CNTNAP3: variants seen among roughly 807,000 people sequenced by gnomAD.
CNTNAP3 encodes the protein contactin associated protein family member 3.
In CNTNAP3, 36 loss-of-function variants were observed where a neutral mutation model predicts 92.1. The observed-to-expected ratio is 0.39, with a 90% CI of 0.30 to 0.52. The LOEUF (loss-of-function observed/expected upper bound fraction) is 0.52, where lower values mean the gene tolerates loss of function less well. Ranked by LOEUF, CNTNAP3 falls within the 20% of genes least tolerant of loss-of-function variation. The probability of loss-of-function intolerance (pLI) is 0.76; values close to 1 mark genes in which losing one functional copy is unlikely to be tolerated. For synonymous variants in CNTNAP3, 232 were observed against 422.3 expected (o/e 0.55, Z 5.53); for missense variants, 534 against 1,069.6 (o/e 0.50, Z 6.98).
Position 39,068,458 on chromosome 9 carries a change from A to C in CNTNAP3, c.*5432T>G, listed in dbSNP as rs1825560379. Among the ~76,000 whole-genome samples, 1 of 152,310 alleles carries C rather than the reference A, an allele frequency of 6.6e-6. No individual in the cohort carries two copies. On this transcript the variant is annotated 3_prime_UTR_variant, in exon 24 of 24. Transcript: ENST00000297668. ...AAATTAAATTAAATAAAAATTAAAA[A>C]ATTCATAGAGAGGTGACTAGAAAAG...
chr9:39,143,705 T>A (rs1821630944), intron 11 of CNTNAP3, among the ~76,000 whole-genome samples: 1 of 152,190 alleles, frequency 6.6e-6, no homozygotes, highest in African/African-American at 2.4e-5. Context: ...TCACAGTCAT[T>A]GTAAGAGATC....
chr9:39,120,825 A>G (rs1444324908), intron 13 of CNTNAP3, among the ~76,000 whole-genome samples: 1 of 152,214 alleles, frequency 6.6e-6, no homozygotes, highest in Admixed American at 6.5e-5. Context: ...AAAAAAATGA[A>G]AAGAGAAGAA....
intron 14 of CNTNAP3, among the ~76,000 whole-genome samples, chr9:39,111,523 C>CTT (rs139634342): frequency 0.043 from 6,481 of 152,138 alleles, 432 homozygotes; most frequent in African/African-American, 0.14. Flanking sequence ...TATCTAAAGG[C>CTT]ATCACCATTC....
intron 14 of CNTNAP3, among the ~76,000 whole-genome samples, chr9:39,114,003 TATATATACACAC>T (rs1563882202): frequency 4.4e-4 from 63 of 143,058 alleles, no homozygotes; most frequent in African/African-American, 1.8e-3. Flanking sequence ...CACACACACA[TATATATACACAC>T]ATATATATAC....
At position 39,069,041 on chromosome 9, in the gene CNTNAP3, T is replaced by C. The variant is rs1298544512; in HGVS notation, c.*4849A>G. ...ATACACATATATATATGTATGTATA[T>C]AACACACATGAATCATATCCTAAAG... On this transcript the variant is annotated 3_prime_UTR_variant, in exon 24 of 24. Transcript: ENST00000297668. 3.9e-5 allele frequency among the ~76,000 whole-genome samples: 6 copies of C among 152,272 alleles called. No homozygotes were observed. The highest frequency in any genetic ancestry group is 3.9e-4 in the Admixed American group (6 of 15,290).
chr9:39,067,534 A>G lies in CNTNAP3; in HGVS notation c.*6356T>C, dbSNP rs1825535650. Among the ~76,000 whole-genome samples, 1 of 152,306 alleles carries G rather than the reference A, an allele frequency of 6.6e-6. No homozygotes were observed. The highest frequency in any genetic ancestry group is 2.4e-5 in the African/African-American group (1 of 41,484). On this transcript the variant is annotated 3_prime_UTR_variant, in exon 24 of 24. Coordinates refer to ENST00000297668, the MANE Select transcript of CNTNAP3 (RefSeq NM_033655.5). ...TGCCCCAGCCTCCCGAGTAGCTGGG[A>G]CTTCAGGCGCCCAACACCACGCCCG...
intron 12 of CNTNAP3, among the ~76,000 whole-genome samples, chr9:39,135,087 C>A (rs2315718): frequency 7.9e-5 from 12 of 152,114 alleles, no homozygotes; most frequent in African/African-American, 2.7e-4. Context: ...ACATTATAGG[C>A]TATGCATTTG....
rs952888993 is a variant in CNTNAP3, at chr9:39,147,124, T to C, written c.1649+2682A>G. 6.9e-4 allele frequency among the ~76,000 whole-genome samples: 105 copies of C among 152,298 alleles called. 1 individual carries two copies. The highest frequency in any genetic ancestry group is 4.6e-4 in the Admixed American group (7 of 15,294). On this transcript the variant is annotated intron_variant, in intron 10 of 23. Coordinates refer to ENST00000297668, the MANE Select transcript of CNTNAP3 (RefSeq NM_033655.5). ...TGCTGCCATGTAAGACGTGTCTTGA[T>C]TCTCCTTCACCTTCTGCTATCATTG...
chr9:39,113,163 G>A (rs1820752379), intron 14 of CNTNAP3, among the ~76,000 whole-genome samples: 1 of 151,962 alleles, frequency 6.6e-6, no homozygotes, highest in Non-Finnish European at 1.5e-5. Flanking sequence ...CTCTCTGTGT[G>A]ATGACAAAAA....
intron 15 of CNTNAP3, among the ~76,000 whole-genome samples, chr9:39,108,277 C>A (rs1040555195): frequency 1.3e-5 from 2 of 152,066 alleles, no homozygotes; most frequent in Non-Finnish European, 2.9e-5. Context: ...GCCGGTCCCC[C>A]CCCTCTCTGG....
At chr9:39,078,111 G>A (rs1474043821) in intron 23 of CNTNAP3, among the ~76,000 whole-genome samples, 2 of 152,288 alleles carry the variant, frequency 1.3e-5, no homozygotes, top group Non-Finnish European at 2.9e-5. Flanking sequence ...GGAGGCTGAG[G>A]CAGGAGAATC....
At position 39,133,039 on chromosome 9, in the gene CNTNAP3, G is replaced by A. The variant is rs1821337564; in HGVS notation, c.1973C>T (p.Ala658Val). Reference protein sequence around the residue: ...SGHPRSAVSFAYAAGAGQLRS... With the variant: ...SGHPRSAVSFVYAAGAGQLRS... ...CAGCTGCCCCGCGCCCGCTGCGTAC[G>A]CGAAGGACACAGCCGAGCGCGGGTG... The change falls in exon 13 of 24, where the codon GCG (alanine) becomes GTG (valine). Residue 658 changes from alanine (A) to valine (V), a missense_variant. Transcript: ENST00000297668. 2.6e-6 allele frequency: 4 copies of A among 1,549,372 alleles called. No individual in the cohort carries two copies. Among genetic ancestry groups the A allele is most frequent in the African/African-American group, 2.7e-5 (2 of 73,964 alleles).
chr9:39,133,179 G>C (rs748029253), intron 12 of CNTNAP3, 44 bp from the exon 13 acceptor site: 3 of 1,543,478 alleles, frequency 1.9e-6, no homozygotes, highest in Non-Finnish European at 2.6e-6. Context: ...GGACGGCAGA[G>C]GCCAGCAGCA....
At chr9:39,135,387 G>A (rs1220050755) in intron 12 of CNTNAP3, among the ~76,000 whole-genome samples, 1 of 151,934 alleles carries the variant, frequency 6.6e-6, no homozygotes, top group Non-Finnish European at 1.5e-5. Context: ...AATTGGACCT[G>A]AGTAGATTAA....
At chr9:39,110,193 C>T (rs1377076498) in intron 14 of CNTNAP3, among the ~76,000 whole-genome samples, 1 of 152,060 alleles carries the variant, frequency 6.6e-6, no homozygotes, top group African/African-American at 2.4e-5. Flanking sequence ...CTCTGGAGTT[C>T]GAAACCAGCC....
intron 18 of CNTNAP3, among the ~76,000 whole-genome samples, chr9:39,093,733 A>G (rs1826264803): frequency 6.6e-6 from 1 of 151,568 alleles, no homozygotes; most frequent in Non-Finnish European, 1.5e-5. Context: ...ATATACCATT[A>G]TATGTATATA....
intron 7 of CNTNAP3, among the ~76,000 whole-genome samples, chr9:39,175,476 T>A: frequency 2.5e-5 from 1 of 40,068 alleles, no homozygotes; most frequent in Non-Finnish European, 4.5e-5. Flanking sequence ...AGACTCCGTC[T>A]CAAAAAAAAA....
chr9:39,106,352 A>G (rs1289938679), intron 15 of CNTNAP3: 1 of 152,056 alleles, frequency 6.6e-6, no homozygotes, highest in Non-Finnish European at 1.5e-5. Context: ...GTGCAGTGGC[A>G]TGATCATAGT....
At chr9:39,280,572 GAGA>G (rs1823001640) in intron 1 of CNTNAP3, among the ~76,000 whole-genome samples, 1 of 15,260 alleles carries the variant, frequency 6.6e-5, no homozygotes, top group Non-Finnish European at 2.9e-4. Context: ...TCCCAGAAAA[GAGA>G]AGAAGAAATG....
Sources: allele counts gnomAD v4.1 joint callset (sites outside exome capture counted in the v4.1 genomes callset), GRCh38; gene constraint gnomAD v4.1.1; transcripts MANE v1.5; gene names NCBI Gene and HGNC (gene_info 2026-07-23, HGNC 2026-07-21).